SRPK2: variants seen among roughly 807,000 people sequenced by gnomAD.
SRPK2 encodes SFRS protein kinase 2.
A neutral mutation model predicts 90.8 loss-of-function variants in SRPK2; 21 were observed. The ratio of observed to expected loss-of-function variants is 0.23; its 90% CI spans 0.16 to 0.33. The LOEUF (loss-of-function observed/expected upper bound fraction) is 0.33. SRPK2 is among the 10% of genes least tolerant of loss of function. The pLI, the probability that SRPK2 is intolerant of heterozygous loss-of-function variation, is 1.00. For missense variants in SRPK2, 620 were observed against 869.0 expected (o/e 0.71, Z 3.60); for synonymous variants, 288 against 311.1 (o/e 0.93, Z 0.78).
chr7:105,262,531 T>C (rs1804448799), intron 2 of SRPK2, among the ~76,000 whole-genome samples: 1 of 152,204 alleles, frequency 6.6e-6, no homozygotes, highest in Admixed American at 6.5e-5. Flanking sequence ...ACATGATAAC[T>C]TCCTATTAAG....
intron 2 of SRPK2, among the ~76,000 whole-genome samples, chr7:105,331,979 T>C (rs1018740387): frequency 6.6e-6 from 1 of 151,864 alleles, no homozygotes; most frequent in Non-Finnish European, 1.5e-5. Context: ...GCCAACAGGG[T>C]GAAGCCCCAT....
chr7:105,236,169 C>CCA (rs1800112721), intron 2 of SRPK2, among the ~76,000 whole-genome samples: 1 of 152,148 alleles, frequency 6.6e-6, no homozygotes, highest in Admixed American at 6.5e-5. Flanking sequence ...GCTGCAGATG[C>CCA]CACACTCTGA....
chr7:105,243,108 C>G (rs1801038637), intron 2 of SRPK2, among the ~76,000 whole-genome samples: 1 of 152,080 alleles, frequency 6.6e-6, no homozygotes, highest in South Asian at 2.1e-4. Flanking sequence ...CTCAAGTGAT[C>G]CTCTCACCTC....
chr7:105,347,503 AAT>A (rs1816604907), intron 2 of SRPK2, among the ~76,000 whole-genome samples: 2 of 152,086 alleles, frequency 1.3e-5, no homozygotes, highest in African/African-American at 4.8e-5. Flanking sequence ...CTGGCTTATA[AAT>A]ATGTGTAACT....
chr7:105,220,224 T>G (rs67421818), intron 2 of SRPK2, among the ~76,000 whole-genome samples: 61,938 of 152,080 alleles, frequency 0.41, 14,472 homozygotes, highest in Non-Finnish European at 0.52. Context: ...TCCTAATTCT[T>G]AGATCCACTT....
At position 105,235,420 on chromosome 7, in the gene SRPK2, T is replaced by C. The variant is rs1799999431; in HGVS notation, c.72-31635A>G. On this transcript the variant is annotated intron_variant, in intron 2 of 15. Coordinates refer to ENST00000393651, the MANE Select transcript of SRPK2 (RefSeq NM_182692.3). ...GCCATCTCTTTAGTCTAAAGTCAGT[T>C]TTCTGAAATGCAGCATTTTCACTTC... Among the ~76,000 whole-genome samples the C allele has an allele frequency of 2.0e-5, 3 of 152,082 alleles. No individual in the cohort carries two copies. The South Asian group carries it at 6.2e-4, about 32-fold the overall frequency.
Position 105,171,075 on chromosome 7 carries a change from AAGGGG to A in SRPK2, c.230-1815_230-1811del, listed in dbSNP as rs139856251. Among the ~76,000 whole-genome samples, 1,075 of 141,478 alleles carry A rather than the reference AAGGGG, an allele frequency of 7.6e-3. 10 individuals carry two copies. Among genetic ancestry groups the A allele is most frequent in the Non-Finnish European group, 0.013 (809 of 64,382 alleles). The allele number at this position is 141,478 out of a possible 152,430, so 92.8% of individuals were successfully genotyped here. A position where few individuals can be genotyped will look rare whatever the true frequency, so the allele number is the denominator to read the frequency against. ...AGGAAAAGAAAAAAGAAAAGAAAGA[AAGGGG>A]AGGGGAGGGGAGGGGACGGGAAGGG... On this transcript the variant is annotated intron_variant, in intron 3 of 15. Transcript: ENST00000393651.
chr7:105,390,629 T>G (rs1008750794), upstream of SRPK2, among the ~76,000 whole-genome samples: 1 of 150,442 alleles, frequency 6.6e-6, no homozygotes, highest in African/African-American at 2.4e-5. Flanking sequence ...TTTTTTTTTT[T>G]TTTAGTAGAG....
intron 3 of SRPK2, among the ~76,000 whole-genome samples, chr7:105,195,525 G>C (rs1211131683): frequency 6.6e-6 from 1 of 152,146 alleles, no homozygotes; most frequent in African/African-American, 2.4e-5. Context: ...CTCCCAAACT[G>C]CTTTTAAACC....
In SRPK2 at chr7:105,147,119, T is replaced by C. The variant is rs533346336; in HGVS notation, c.622-461A>G. ...CTCTTCTTTATGATTGTCTTAACAT[T>C]CTTTTCTCTAGCTTACTTTGTTGTA... is the stretch of plus-strand genomic sequence containing the variant. On this transcript the variant is annotated intron_variant, in intron 7 of 15. Coordinates refer to ENST00000393651, the MANE Select transcript of SRPK2 (RefSeq NM_182692.3). 1.4e-4 allele frequency among the ~76,000 whole-genome samples: 21 copies of C among 152,268 alleles called. No homozygotes were observed. In the Middle Eastern group the frequency reaches 0.02, roughly 148 times the overall value.
intron 13 of SRPK2, among the ~76,000 whole-genome samples, chr7:105,128,624 G>A (rs567466753): frequency 2.0e-5 from 3 of 152,290 alleles, no homozygotes; most frequent in South Asian, 4.1e-4. Context: ...TGAAAAGCCT[G>A]GATCAAGTTC....
At chr7:105,224,172 ATTTATAT>A (rs1182677862) in intron 2 of SRPK2, among the ~76,000 whole-genome samples, 1 of 152,178 alleles carries the variant, frequency 6.6e-6, no homozygotes, top group Non-Finnish European at 1.5e-5. Flanking sequence ...ATTTTTAAAT[ATTTATAT>A]TTTATGAGTC....
At chr7:105,214,575 C>A (rs1797226929) in intron 2 of SRPK2, among the ~76,000 whole-genome samples, 2 of 152,016 alleles carry the variant, frequency 1.3e-5, no homozygotes, top group South Asian at 2.1e-4. Context: ...CACAACCATA[C>A]AAAACTCTCA....
intron 7 of SRPK2, among the ~76,000 whole-genome samples, chr7:105,151,123 C>G (rs1184161956): frequency 1.3e-5 from 2 of 152,148 alleles, no homozygotes; most frequent in East Asian, 3.8e-4. Context: ...GGCTATTGCA[C>G]TCAACTAGGC....
At chr7:105,333,516 T>C (rs1814691571) in intron 2 of SRPK2, among the ~76,000 whole-genome samples, 1 of 152,186 alleles carries the variant, frequency 6.6e-6, no homozygotes, top group African/African-American at 2.4e-5. Flanking sequence ...ACAAAGAGTA[T>C]TTTAACATTT....
intron 3 of SRPK2, among the ~76,000 whole-genome samples, chr7:105,196,059 T>C (rs911027066): frequency 6.6e-6 from 1 of 152,262 alleles, no homozygotes; most frequent in African/African-American, 2.4e-5. Flanking sequence ...CCTGTCATGC[T>C]ATTTAAAGCT....
intron 2 of SRPK2, among the ~76,000 whole-genome samples, chr7:105,247,074 C>T (rs1355026879): frequency 1.3e-5 from 2 of 152,176 alleles, no homozygotes; most frequent in Non-Finnish European, 2.9e-5. Context: ...GGCCCTGGTA[C>T]TTGCGGTACC....
intron 2 of SRPK2, among the ~76,000 whole-genome samples, chr7:105,206,816 C>T (rs762311493): frequency 3.9e-5 from 6 of 152,106 alleles, no homozygotes; most frequent in Admixed American, 1.3e-4. Flanking sequence ...GTTTTATACA[C>T]GAGTATTTCT....
chr7:105,262,809 C>G (rs1054032011), intron 2 of SRPK2, among the ~76,000 whole-genome samples: 3 of 150,722 alleles, frequency 2.0e-5, no homozygotes, highest in Non-Finnish European at 4.4e-5. Context: ...AGAATGCTAA[C>G]AAGGAAAAAG....
Sources: gnomAD v4.1 joint callset for allele counts (sites outside exome capture counted in the v4.1 genomes callset) on GRCh38, gnomAD v4.1.1 for gene constraint, MANE v1.5 for transcripts, NCBI Gene and HGNC (gene_info 2026-07-23, HGNC 2026-07-21) for gene names.